ADGRV1: variants seen among roughly 807,000 people sequenced by gnomAD.
ADGRV1 encodes adhesion G protein-coupled receptor V1.
Under a neutral mutation model 596.2 loss-of-function variants are expected in ADGRV1, and 359 were observed. The observed-to-expected ratio is 0.60, with a 90% CI of 0.55 to 0.66. ADGRV1 has a LOEUF of 0.66. ADGRV1 is among the 30% of genes least tolerant of loss of function. The probability of loss-of-function intolerance (pLI) is 0.00; values close to 1 mark genes in which losing one functional copy is unlikely to be tolerated. For missense variants in ADGRV1, 7,274 were observed against 7,575.6 expected (o/e 0.96, Z 1.48); for synonymous variants, 2,681 against 2,679.2 (o/e 1.00, Z -0.02).
At chr5:91,150,408 A>G (rs762219342) in intron 88 of ADGRV1, among the ~76,000 whole-genome samples, 187 bp downstream of exon 88, 1 of 152,148 alleles carries the variant, frequency 6.6e-6, no homozygotes, top group Non-Finnish European at 1.5e-5. Context: ...CTTCTGACCT[A>G]TGGTACTTGG....
chr5:90,867,224 T>C (rs1000485098), intron 83 of ADGRV1, among the ~76,000 whole-genome samples: 1 of 152,154 alleles, frequency 6.6e-6, no homozygotes. Context: ...GATGAAAAGA[T>C]AGAACTGTAT....
chr5:90,712,835 T>C (rs1326813764), intron 42 of ADGRV1, among the ~76,000 whole-genome samples: 1 of 152,148 alleles, frequency 6.6e-6, no homozygotes, highest in Non-Finnish European at 1.5e-5. Context: ...ACTCCTTTAG[T>C]GTCATCTACT....
chr5:91,054,096 TGTGTGTGA>T (rs1276307394), intron 85 of ADGRV1, among the ~76,000 whole-genome samples: 7 of 122,104 alleles, frequency 5.7e-5, no homozygotes, highest in Middle Eastern at 3.7e-3. Flanking sequence ...TGTGTGTGTG[TGTGTGTGA>T]GAGAGAGAGA....
chr5:91,025,568 C>G (rs1175303834), intron 85 of ADGRV1, among the ~76,000 whole-genome samples: 2 of 152,078 alleles, frequency 1.3e-5, no homozygotes, highest in African/African-American at 4.8e-5. Context: ...TCAGATAAAA[C>G]AATTTGTTTC....
chr5:90,608,513 T>C (rs987182447), intron 1 of ADGRV1, among the ~76,000 whole-genome samples: 3 of 152,022 alleles, frequency 2.0e-5, no homozygotes, highest in African/African-American at 7.2e-5. Context: ...TTGAAAACAA[T>C]GGACTGAGGC....
intron 85 of ADGRV1, among the ~76,000 whole-genome samples, chr5:91,030,665 C>T (rs1362141888): frequency 6.6e-6 from 1 of 151,636 alleles, no homozygotes; most frequent in Admixed American, 6.6e-5. Flanking sequence ...ATTTTTTCCC[C>T]AAAGGAAAAA....
At chr5:90,874,573 T>C (rs1581390453) in intron 83 of ADGRV1, among the ~76,000 whole-genome samples, 2 of 151,606 alleles carry the variant, frequency 1.3e-5, no homozygotes, top group Non-Finnish European at 2.9e-5. Flanking sequence ...TTTAAAAAAC[T>C]GGTTAAGGCC....
rs569210667 is a variant in ADGRV1, at chr5:91,045,576, A to C, written c.18153-26871A>C. On this transcript the variant is annotated intron_variant, in intron 85 of 89. Coordinates refer to ENST00000405460, the MANE Select transcript of ADGRV1 (RefSeq NM_032119.4). ...AGCCATCTATGACAAACCCACAGCCAACATAACACTGAATGGGGAAAAGTT... is the reference window on the plus strand; with the variant it reads ...AGCCATCTATGACAAACCCACAGCCCACATAACACTGAATGGGGAAAAGTT... 6.6e-5 allele frequency among the ~76,000 whole-genome samples: 10 copies of C among 152,290 alleles called. No individual in the cohort carries two copies. The East Asian group carries it at 1.9e-3, about 29-fold the overall frequency.
At chr5:90,925,595 C>T (rs1267521259) in intron 83 of ADGRV1, among the ~76,000 whole-genome samples, 1 of 151,716 alleles carries the variant, frequency 6.6e-6, no homozygotes, top group Non-Finnish European at 1.5e-5. Flanking sequence ...AATTTGACTT[C>T]CTCTTTTCCT....
intron 85 of ADGRV1, among the ~76,000 whole-genome samples, chr5:91,044,183 C>A (rs915811666): frequency 2.6e-5 from 4 of 152,082 alleles, no homozygotes; most frequent in Non-Finnish European, 5.9e-5. Flanking sequence ...TAAATTAGAT[C>A]TTGGTTTAGG....
At chr5:90,704,245 T>A (rs1399097114) in intron 35 of ADGRV1, 144 bp from the exon 36 acceptor site, 2 of 608,678 alleles carry the variant, frequency 3.3e-6, no homozygotes, top group African/African-American at 3.8e-5. Flanking sequence ...CAGTGGTTTT[T>A]ATTTATTTAT....
intron 87 of ADGRV1, among the ~76,000 whole-genome samples, chr5:91,107,240 G>A (rs1791959581): frequency 2.0e-5 from 3 of 152,128 alleles, no homozygotes; most frequent in African/African-American, 4.8e-5. Context: ...AAATAGCTTA[G>A]GAAGGGAGGT....
intron 86 of ADGRV1, among the ~76,000 whole-genome samples, chr5:91,094,707 C>T (rs1047822354): frequency 3.9e-5 from 6 of 152,008 alleles, no homozygotes; most frequent in African/African-American, 1.4e-4. Context: ...CAGGGTAAAT[C>T]GGTGCGAATG....
At chr5:90,928,758 T>TG (rs1201523368) in intron 83 of ADGRV1, among the ~76,000 whole-genome samples, 1 of 151,784 alleles carries the variant, frequency 6.6e-6, no homozygotes, top group Non-Finnish European at 1.5e-5. Flanking sequence ...CCCATCTTTG[T>TG]GTTTTTATCT....
chr5:91,005,781 A>T (rs1490590200), intron 85 of ADGRV1, among the ~76,000 whole-genome samples: 1 of 152,132 alleles, frequency 6.6e-6, no homozygotes, highest in Non-Finnish European at 1.5e-5. Context: ...GCCTAATTCA[A>T]ATCCTCATGA....
chr5:90,968,432 G>A (rs1778664829), intron 84 of ADGRV1, among the ~76,000 whole-genome samples: 1 of 152,120 alleles, frequency 6.6e-6, no homozygotes, highest in South Asian at 2.1e-4. Flanking sequence ...TCTCTTCTTT[G>A]AGTTAGGTAA....
chr5:91,066,967 C>G (rs1452022161), intron 85 of ADGRV1, among the ~76,000 whole-genome samples: 1 of 152,084 alleles, frequency 6.6e-6, no homozygotes, highest in Non-Finnish European at 1.5e-5. Flanking sequence ...GGAGGATGAA[C>G]ATGGAGTAGG....
chr5:90,644,022 TGAA>T, intron 14 of ADGRV1, 39 bp downstream of exon 14: 1 of 1,302,730 alleles, frequency 7.7e-7, no homozygotes, highest in Non-Finnish European at 1.0e-6. Context: ...TTCTGTTTAC[TGAA>T]GAAGAAATAT....
Position 90,848,748 on chromosome 5 carries a change from C to A in ADGRV1, c.17131C>A (p.His5711Asn), listed in dbSNP as rs997519555. The stretch of plus-strand genomic sequence containing the variant: ...GCGCAAGGACACTAGGGGATTCAGT[C>A]ACTTTGCTGAAGTGACTGAGAATTT... The part of the protein sequence containing the change: ...PKRKDTRGFS[H>N]FAEVTENFAF... Residue 5711 changes from histidine (H) to asparagine (N), a missense_variant, in exon 79 of 90, where the codon CAC becomes AAC. By Grantham distance (68) the His-to-Asn change is moderately conservative. This residue lies in a region of ADGRV1 where 1,874 missense variants were observed against 1,970.2 expected (regional missense o/e 0.95). Transcript: ENST00000405460. 7 of 1,593,468 alleles carry A rather than the reference C, an allele frequency of 4.4e-6. No homozygotes were observed. In the African/African-American group the frequency reaches 6.8e-5, roughly 15 times the overall value.
Sources: gnomAD v4.1 joint callset for allele counts (sites outside exome capture counted in the v4.1 genomes callset) on GRCh38, gnomAD v4.1.1 for gene constraint, gnomAD v4.1.1 regional missense constraint, MANE v1.5 for transcripts, NCBI Gene and HGNC (gene_info 2026-07-23, HGNC 2026-07-21) for gene names.